ZNF471: variants seen among roughly 807,000 people sequenced by gnomAD.
ZNF471 encodes zinc finger protein 471.
A neutral mutation model predicts 13.7 loss-of-function variants in ZNF471; 7 were observed. The ratio of observed to expected loss-of-function variants is 0.51; its 90% CI spans 0.29 to 0.96. The LOEUF is 0.96. ZNF471 is among the 40% of genes least tolerant of loss of function. The probability of loss-of-function intolerance (pLI) is 0.08; values close to 1 mark genes in which losing one functional copy is unlikely to be tolerated. For missense variants in ZNF471, 663 were observed against 743.3 expected, an observed-to-expected ratio of 0.89 and a Z score of 1.26; for synonymous variants, 218 against 235.6, an observed-to-expected ratio of 0.93 and a Z score of 0.68.
intron 4 of ZNF471, among the ~76,000 whole-genome samples, chr19:56,520,808 C>T (rs1027977137): frequency 3.3e-5 from 5 of 152,026 alleles, no homozygotes; most frequent in African/African-American, 1.2e-4. Flanking sequence ...TAGCCATGGC[C>T]GGCTAATTTT....
In ZNF471 at chr19:56,528,817, A is replaced by C. The variant is rs1352537798; in HGVS notation, c.*2869A>C. The C allele has an allele frequency of 2.6e-5, 4 of 151,584 alleles. No homozygotes were observed. The highest frequency in any genetic ancestry group is 4.9e-5 in the African/African-American group (2 of 40,840). The allele number at this position is 151,584 out of a possible 1,614,324, so 9.4% of individuals were successfully genotyped here. On this transcript the variant is annotated 3_prime_UTR_variant, in exon 5 of 5. Transcript: ENST00000308031. ...ATCACTAATGTTTAACTGAAGAAAG[A>C]GAAATTGAATAATATAGTTCTATTT...
chr19:56,508,252 T>TGTGA lies in ZNF471; in HGVS notation c.-56+333_-56+334insTGAG, dbSNP rs10691807. ...TTCTGTGTGTGTGTGTGTGTGTGTGTGACAGACCGAGAGTCCAGTGTGAGA... is the reference window on the plus strand; with the variant it reads ...TTCTGTGTGTGTGTGTGTGTGTGTGTGTGAGACAGACCGAGAGTCCAGTGTGAGA... On this transcript the variant is annotated intron_variant, in intron 1 of 4. Coordinates refer to ENST00000308031, the MANE Select transcript of ZNF471 (RefSeq NM_020813.4). This position sits in a 1 kb window ranked among gnomAD's most constrained non-coding sequence, Gnocchi z 4.7. 3.2e-5 allele frequency: 25 copies of TGTGA among 782,792 alleles called. No individual in the cohort carries two copies. The African/African-American group carries it at 4.4e-4, about 14-fold the overall frequency. The allele number at this position is 782,792 out of a possible 1,614,324, so 48.5% of individuals were successfully genotyped here.
chr19:56,511,376 T>C (rs2043809454), intron 1 of ZNF471, 141 bp from the exon 2 acceptor site: 2 of 592,086 alleles, frequency 3.4e-6, no homozygotes, highest in African/African-American at 1.9e-5. Context: ...TTATGAGTTT[T>C]AGCCCTTCAG....
rs898575935 is a variant in ZNF471 at position 56,522,175 on chromosome 19, T to A, written c.257-2149T>A. Among the ~76,000 whole-genome samples the A allele has an allele frequency of 1.3e-5, 2 of 152,174 alleles. No individual in the cohort carries two copies. The highest frequency in any genetic ancestry group is 1.3e-4 in the Admixed American group (2 of 15,276). On this transcript the variant is annotated intron_variant, in intron 4 of 4. Coordinates refer to ENST00000308031, the MANE Select transcript of ZNF471 (RefSeq NM_020813.4). The surrounding 1 kb of genome is among the most constrained non-coding windows in gnomAD (Gnocchi z 4.1). ...ACGCTCTGTAATTGCCCATCCGTAA[T>A]GATGCATTTCTCAGAGCATTTCTCC...
At position 56,511,861 on chromosome 19, in the gene ZNF471, G is replaced by T. The variant is rs543935871; in HGVS notation, c.33+257G>T. Among the ~76,000 whole-genome samples, 88 of 152,142 alleles carry T rather than the reference G, an allele frequency of 5.8e-4. 1 individual carries two copies. The highest frequency in any genetic ancestry group is 1.7e-3 in the South Asian group (8 of 4,822). Reference sequence around the variant, plus strand: ...AATTTAGTGTTGACTCTTGTGAAAAGACTTGATTTATGTTGTGTGGAATAT... The same window carrying T: ...AATTTAGTGTTGACTCTTGTGAAAATACTTGATTTATGTTGTGTGGAATAT... On this transcript the variant is annotated intron_variant, in intron 2 of 4. Transcript: ENST00000308031.
intron 1 of ZNF471, among the ~76,000 whole-genome samples, chr19:56,509,328 G>A (rs1353330153): frequency 6.6e-6 from 1 of 152,196 alleles, no homozygotes; most frequent in African/African-American, 2.4e-5. Context: ...AACACTGGAG[G>A]TTCCTGTAGG....
intron 4 of ZNF471, among the ~76,000 whole-genome samples, chr19:56,520,537 G>A (rs1251584131): frequency 6.6e-6 from 1 of 152,158 alleles, no homozygotes; most frequent in East Asian, 1.9e-4. Context: ...GGGTGCCCTG[G>A]TCTGAATGTT....
rs1396600443 is a variant in ZNF471 at position 56,516,135 on chromosome 19, T to A, written c.34-140T>A. 1 of 761,172 alleles carries A rather than the reference T, an allele frequency of 1.3e-6. No homozygotes were observed. The highest frequency in any genetic ancestry group is 1.8e-5 in the African/African-American group (1 of 56,680). 47.2% of individuals were successfully genotyped at this position (761,172 alleles called of 1,614,324 possible). A position where few individuals can be genotyped will look rare whatever the true frequency, so the allele number is the denominator to read the frequency against. The stretch of plus-strand genomic sequence containing the variant: ...TGCAGTTAAACACTTCCATAAGTAC[T>A]GTTTTGGCTTGGATCTTCCTATTTA... On this transcript the variant is annotated intron_variant, in intron 2 of 4. Coordinates refer to ENST00000308031, the MANE Select transcript of ZNF471 (RefSeq NM_020813.4). This position sits in a 1 kb window ranked among gnomAD's most constrained non-coding sequence, Gnocchi z 4.4.
At chr19:56,523,688 C>G (rs932537658) in intron 4 of ZNF471, among the ~76,000 whole-genome samples, 1 of 152,042 alleles carries the variant, frequency 6.6e-6, no homozygotes, top group Non-Finnish European at 1.5e-5. Flanking sequence ...TATATGAAAA[C>G]CAATTACAAG....
At chr19:56,513,319 T>C (rs1260394726) in intron 2 of ZNF471, among the ~76,000 whole-genome samples, 1 of 152,238 alleles carries the variant, frequency 6.6e-6, no homozygotes, top group Non-Finnish European at 1.5e-5. Flanking sequence ...CACATGCTTA[T>C]TTGATAGACT....
At chr19:56,523,373 T>TA (rs894237719) in intron 4 of ZNF471, among the ~76,000 whole-genome samples, 6 of 150,716 alleles carry the variant, frequency 4.0e-5, no homozygotes, top group African/African-American at 1.5e-4. Flanking sequence ...TTTTTTTTTT[T>TA]ATAAAAAGGT....
At chr19:56,521,516 G>A (rs2043970409) in intron 4 of ZNF471, among the ~76,000 whole-genome samples, 1 of 151,370 alleles carries the variant, frequency 6.6e-6, no homozygotes, top group African/African-American at 2.4e-5. Context: ...GCATGTGCCT[G>A]TAGTCCCAGC....
Position 56,516,513 on chromosome 19 carries a change from C to A in ZNF471, c.160+112C>A. 1.0e-6 allele frequency: 1 copy of A among 987,470 alleles called. No individual in the cohort carries two copies. The highest frequency in any genetic ancestry group is 1.5e-6 in the Non-Finnish European group (1 of 683,184). 61.2% of individuals were successfully genotyped at this position (987,470 alleles called of 1,614,324 possible). ...TCAGAATGGAATTTGGGAATGGAAT[C>A]TGAGAAACAGAGGATATTGAGGGAC... On this transcript the variant is annotated intron_variant, in intron 3 of 4. Transcript: ENST00000308031. The surrounding 1 kb of genome is among the most constrained non-coding windows in gnomAD (Gnocchi z 4.4).
Position 56,525,198 on chromosome 19 carries a change from C to A in ZNF471, c.1131C>A (p.Cys377Ter). ...ATACTGGAGAGAAGCCTTTTAATTGCATTGATTGTGGGAAAGCCTTCAGTG... is the reference window on the plus strand; with the variant it reads ...ATACTGGAGAGAAGCCTTTTAATTGAATTGATTGTGGGAAAGCCTTCAGTG... ...SYHTGEKPFN[C>*]IDCGKAFSVH... The change falls in exon 5 of 5, where the codon TGC becomes TGA. Residue 377 changes from cysteine (C) to a stop codon, truncating the protein, a stop_gained. Coordinates refer to ENST00000308031, the MANE Select transcript of ZNF471 (RefSeq NM_020813.4). LOFTEE classifies it low-confidence loss of function (END_TRUNC). 1 of 1,613,508 alleles carries A rather than the reference C, an allele frequency of 6.2e-7. No individual in the cohort carries two copies. The highest frequency in any genetic ancestry group is 8.5e-7 in the Non-Finnish European group (1 of 1,179,858).
In ZNF471 at chr19:56,512,248, G is replaced by A. The variant is rs542479799; in HGVS notation, c.33+644G>A. Among the ~76,000 whole-genome samples, 6 of 117,342 alleles carry A rather than the reference G, an allele frequency of 5.1e-5. No individual in the cohort carries two copies. In the East Asian group the frequency reaches 1.0e-3, roughly 20 times the overall value. The allele number at this position is 117,342 out of a possible 152,430, so 77.0% of individuals were successfully genotyped here. A position where few individuals can be genotyped will look rare whatever the true frequency, so the allele number is the denominator to read the frequency against. On this transcript the variant is annotated intron_variant, in intron 2 of 4. Coordinates refer to ENST00000308031, the MANE Select transcript of ZNF471 (RefSeq NM_020813.4). ...ATTCAGAGCTATGTTATGCCTTTGC[G>A]TGTATACAAAAATACTTTCTTCCCT...
Position 56,508,295 on chromosome 19 carries a change from G to A in ZNF471, c.-56+375G>A. 1 of 652,528 alleles carries A rather than the reference G, an allele frequency of 1.5e-6. No homozygotes were observed. Among genetic ancestry groups the A allele is most frequent in the Non-Finnish European group, 1.9e-6 (1 of 525,780 alleles). The allele number at this position is 652,528 out of a possible 1,614,324, so 40.4% of individuals were successfully genotyped here. A position where few individuals can be genotyped will look rare whatever the true frequency, so the allele number is the denominator to read the frequency against. ...GTGTGAGACCAGGGTATGTTCGTGT[G>A]TGACAGAGCGAGACGGGCCAGTGTG... On this transcript the variant is annotated intron_variant, in intron 1 of 4. Transcript: ENST00000308031. The surrounding 1 kb of genome is among the most constrained non-coding windows in gnomAD (Gnocchi z 4.7).
chr19:56,518,687 C>G, intron 4 of ZNF471, 110 bp downstream of exon 4: 1 of 865,208 alleles, frequency 1.2e-6, no homozygotes, highest in Admixed American at 2.8e-5. Context: ...ATAAGCCTTA[C>G]AGGCCTGGAG....
intron 4 of ZNF471, among the ~76,000 whole-genome samples, chr19:56,523,613 C>T (rs1422910842): frequency 6.6e-6 from 1 of 152,072 alleles, no homozygotes; most frequent in Non-Finnish European, 1.5e-5. Context: ...TACTGGAGAT[C>T]TCCAGAGACT....
At chr19:56,514,666 A>G (rs2043857229) in intron 2 of ZNF471, among the ~76,000 whole-genome samples, 1 of 152,168 alleles carries the variant, frequency 6.6e-6, no homozygotes, top group Non-Finnish European at 1.5e-5. Flanking sequence ...CACTGTAAAC[A>G]TGATTTATTA....
Sources: gnomAD v4.1 joint callset for allele counts (sites outside exome capture counted in the v4.1 genomes callset) on GRCh38, gnomAD v4.1.1 for gene constraint, Gnocchi (gnomAD v3.1) non-coding constraint, MANE v1.5 for transcripts, NCBI Gene and HGNC (gene_info 2026-07-23, HGNC 2026-07-21) for gene names.